SNCAIP: variants seen among roughly 807,000 people sequenced by gnomAD.
SNCAIP encodes synuclein alpha interacting protein, also known as synphilin-1.
A neutral mutation model predicts 86.7 loss-of-function variants in SNCAIP; 43 were observed. The observed-to-expected ratio is 0.50, with a 90% CI of 0.39 to 0.64. The LOEUF (loss-of-function observed/expected upper bound fraction) is 0.64, where lower values mean the gene tolerates loss of function less well. Ranked by LOEUF, SNCAIP falls within the 30% of genes least tolerant of loss-of-function variation. The pLI, the probability that SNCAIP is intolerant of heterozygous loss-of-function variation, is 0.00. For synonymous variants in SNCAIP, 417 were observed against 427.2 expected, an observed-to-expected ratio of 0.98 and a Z score of 0.29; for missense variants, 981 against 1,103.1, an observed-to-expected ratio of 0.89 and a Z score of 1.57.
chr5:122,424,612 T>C (rs761163678), intron 4 of SNCAIP, among the ~76,000 whole-genome samples: 1 of 152,230 alleles, frequency 6.6e-6, no homozygotes, highest in Non-Finnish European at 1.5e-5. Context: ...TTTTATGAAA[T>C]AAAGTAGTAT....
At chr5:122,394,663 T>G (rs1008260750) in intron 2 of SNCAIP, among the ~76,000 whole-genome samples, 4 of 152,228 alleles carry the variant, frequency 2.6e-5, no homozygotes, top group African/African-American at 9.6e-5. Context: ...CCCTCTGGAA[T>G]TCTTTGGAGC....
intron 2 of SNCAIP, 125 bp from the exon 3 acceptor site, chr5:122,403,668 A>G (rs1220464007): frequency 2.4e-6 from 2 of 832,518 alleles, no homozygotes; most frequent in African/African-American, 3.3e-5. Context: ...AAAATGAGAT[A>G]AATTTTCTGA....
chr5:122,353,439 CAAAAAA>C, intron 1 of SNCAIP, among the ~76,000 whole-genome samples: 1 of 94,158 alleles, frequency 1.1e-5, no homozygotes, highest in East Asian at 3.0e-4. Context: ...CATAATTAAG[CAAAAAA>C]AAAAAAAAAA....
chr5:122,381,583 T>A (rs1334072987), intron 1 of SNCAIP, among the ~76,000 whole-genome samples: 1 of 147,794 alleles, frequency 6.8e-6, no homozygotes, highest in Non-Finnish European at 1.5e-5. Context: ...ATCCTGTCAT[T>A]ATGATGTTAG....
At chr5:122,347,003 T>C (rs1758740616) in intron 1 of SNCAIP, among the ~76,000 whole-genome samples, 1 of 152,094 alleles carries the variant, frequency 6.6e-6, no homozygotes, top group African/African-American at 2.4e-5. Context: ...CCAATCACAT[T>C]AATTATATTA....
intron 3 of SNCAIP, among the ~76,000 whole-genome samples, chr5:122,417,996 G>A (rs2152915406): frequency 6.6e-6 from 1 of 152,296 alleles, no homozygotes; most frequent in South Asian, 2.1e-4. Context: ...TTATTCCCTA[G>A]GAGAGTCACA....
intron 3 of SNCAIP, among the ~76,000 whole-genome samples, chr5:122,417,921 A>G (rs1175844367): frequency 6.6e-6 from 1 of 152,186 alleles, no homozygotes; most frequent in South Asian, 2.1e-4. Flanking sequence ...TTGTAACAGA[A>G]TTTCAAAAAT....
chr5:122,440,843 GAATT>G (rs771130311), intron 7 of SNCAIP, 89 bp downstream of exon 7: 24 of 1,213,746 alleles, frequency 2.0e-5, no homozygotes, highest in Non-Finnish European at 2.6e-5. Flanking sequence ...GAGAATGTCT[GAATT>G]AATTCACCTT....
chr5:122,384,140 AGACACACCCAT>A (rs1767588216), intron 1 of SNCAIP, among the ~76,000 whole-genome samples: 1 of 152,210 alleles, frequency 6.6e-6, no homozygotes, highest in South Asian at 2.1e-4. Context: ...GATGGTTCAA[AGACACACCCAT>A]GATTCAGAGC....
chr5:122,326,736 C>G (rs1045564381), intron 1 of SNCAIP, among the ~76,000 whole-genome samples: 2 of 145,056 alleles, frequency 1.4e-5, no homozygotes, highest in Non-Finnish European at 3.0e-5. Flanking sequence ...GTGTAAGGAG[C>G]TGAGTAGACA....
chr5:122,436,770 A>G (rs1197691294), intron 6 of SNCAIP: 1 of 152,154 alleles, frequency 6.6e-6, no homozygotes, highest in Non-Finnish European at 1.5e-5. Context: ...TACATTTTTT[A>G]TTGGAATTTG....
chr5:122,435,570 C>T (rs1048832098), intron 6 of SNCAIP, among the ~76,000 whole-genome samples: 1 of 152,172 alleles, frequency 6.6e-6, no homozygotes, highest in African/African-American at 2.4e-5. Context: ...CGAAAACAAC[C>T]TGCATCATGG....
intron 5 of SNCAIP, among the ~76,000 whole-genome samples, chr5:122,430,978 C>G (rs1778304309): frequency 6.6e-6 from 1 of 151,868 alleles, no homozygotes; most frequent in African/African-American, 2.4e-5. Context: ...TTACCTCATC[C>G]CTTAATGAAA....
intron 1 of SNCAIP, among the ~76,000 whole-genome samples, chr5:122,327,286 C>T (rs567837945): frequency 6.6e-6 from 1 of 152,030 alleles, no homozygotes; most frequent in Non-Finnish European, 1.5e-5. Context: ...TACCCAAGAA[C>T]CTTCCTTGGC....
chr5:122,374,291 T>C (rs1764843649), intron 1 of SNCAIP, among the ~76,000 whole-genome samples: 1 of 152,164 alleles, frequency 6.6e-6, no homozygotes, highest in South Asian at 2.1e-4. Context: ...TTAGTCTGTT[T>C]CTTGAAAGAC....
chr5:122,350,616 A>C (rs892047093), intron 1 of SNCAIP, among the ~76,000 whole-genome samples: 2 of 152,046 alleles, frequency 1.3e-5, no homozygotes, highest in African/African-American at 2.4e-5. Context: ...TTACTGACCA[A>C]CCTTACTTCC....
chr5:122,417,648 C>CCCTCCTT (rs572369908), intron 3 of SNCAIP, among the ~76,000 whole-genome samples: 52 of 152,132 alleles, frequency 3.4e-4, no homozygotes, highest in African/African-American at 1.2e-3. Context: ...CATCTTCCTT[C>CCCTCCTT]CCTCCTTCCT....
chr5:122,400,879 T>C lies in SNCAIP; in HGVS notation c.58-2914T>C. Reference sequence around the variant, plus strand: ...ATTTAGATCAAAAGTCTATGTTCACTGGGAATAACCTCTGGAAGACTTCTA... The same window carrying C: ...ATTTAGATCAAAAGTCTATGTTCACCGGGAATAACCTCTGGAAGACTTCTA... On this transcript the variant is annotated intron_variant, in intron 2 of 10. Coordinates refer to ENST00000261368, the MANE Select transcript of SNCAIP (RefSeq NM_005460.4). The C allele has an allele frequency of 2.6e-6, 3 of 1,153,406 alleles. No individual in the cohort carries two copies. The East Asian group carries it at 8.6e-5, about 33-fold the overall frequency. The allele number at this position is 1,153,406 out of a possible 1,614,324, so 71.4% of individuals were successfully genotyped here. A position where few individuals can be genotyped will look rare whatever the true frequency, so the allele number is the denominator to read the frequency against.
At chr5:122,401,147 T>C (rs1165862294) in intron 2 of SNCAIP, 1 of 1,546,438 alleles carries the variant, frequency 6.5e-7, no homozygotes, top group Non-Finnish European at 8.7e-7. Flanking sequence ...GAACTGACAG[T>C]TACTTATAAA....
Sources: gnomAD v4.1 joint callset for allele counts (sites outside exome capture counted in the v4.1 genomes callset) on GRCh38, gnomAD v4.1.1 for gene constraint, MANE v1.5 for transcripts, NCBI Gene and HGNC (gene_info 2026-07-23, HGNC 2026-07-21) for gene names.